Variants in IDUA observed in about 807,000 individuals in gnomAD.
IDUA encodes the protein iduronidase alpha-L-.
IDUA carries 65 observed loss-of-function variants against 68.9 expected under a neutral mutation model. The ratio of observed to expected loss-of-function variants is 0.94; its 90% CI spans 0.77 to 1.16. The LOEUF is 1.16. Among genes scored for constraint, IDUA ranks in the 50% most tolerant of loss-of-function variants. The pLI is 0.00. For missense variants in IDUA, 1,046 were observed against 938.0 expected, an observed-to-expected ratio of 1.12 and a Z score of -1.50; for synonymous variants, 529 against 433.6, an observed-to-expected ratio of 1.22 and a Z score of -2.73.
intron 2 of IDUA, chr4:991,274 C>T: frequency 6.2e-7 from 1 of 1,612,670 alleles, no homozygotes; most frequent in Non-Finnish European, 8.5e-7. Context: ...TCAAAGCCGG[C>T]CAGCTGGAGC....
chr4:992,274 C>G (rs1337071301), intron 2 of IDUA: 1 of 446,008 alleles, frequency 2.2e-6, no homozygotes, highest in East Asian at 7.1e-5. Flanking sequence ...CACACCAGAG[C>G]CCTCCCTCCC....
At chr4:1,003,682 C>T (rs1054906065) in intron 12 of IDUA, 57 bp downstream of exon 12, 87 of 1,587,136 alleles carry the variant, frequency 5.5e-5, no homozygotes, top group African/African-American at 8.1e-5. Context: ...CCCTGGGTCC[C>T]GACCCCTTCA....
At chr4:998,914 T>TC (rs1714904318) in intron 2 of IDUA, among the ~76,000 whole-genome samples, 1 of 151,106 alleles carries the variant, frequency 6.6e-6, no homozygotes, top group Non-Finnish European at 1.5e-5. Context: ...GTCTTCCAGC[T>TC]CCCACCCTGA....
rs1479765333 is a variant in IDUA at position 999,142 on chromosome 4, T to C, written c.300-1470T>C. The stretch of plus-strand genomic sequence containing the variant: ...ATGGTGTGAACCCGGGAGGGGGAGC[T>C]TGCAGTGAGCCGAGATCGCGCCACT... On this transcript the variant is annotated intron_variant, in intron 2 of 13. Transcript: ENST00000514224. Among the ~76,000 whole-genome samples, 11 of 151,438 alleles carry C rather than the reference T, an allele frequency of 7.3e-5. No individual in the cohort carries two copies. The East Asian group carries it at 9.7e-4, about 13-fold the overall frequency.
At chr4:996,188 T>C (rs1714734291) in intron 2 of IDUA, among the ~76,000 whole-genome samples, 1 of 152,180 alleles carries the variant, frequency 6.6e-6, no homozygotes, top group African/African-American at 2.4e-5. Context: ...GCTCAGCAGT[T>C]GGGAGCTGTG....
At chr4:995,849 G>A (rs73066468) in intron 2 of IDUA, among the ~76,000 whole-genome samples, 2,898 of 152,352 alleles carry the variant, frequency 0.019, 86 homozygotes, top group African/African-American at 0.065. Context: ...ATTTGGAGGT[G>A]AAATGGGAGT....
chr4:997,302 AG>A (rs1714795629), intron 2 of IDUA, among the ~76,000 whole-genome samples: 1 of 47,212 alleles, frequency 2.1e-5, no homozygotes, highest in African/African-American at 8.3e-5. Context: ...CCGCGCCCCC[AG>A]CCCAGCGGGC....
At chr4:1,003,795 C>T (rs1055287915) in intron 12 of IDUA, 170 bp downstream of exon 12, 12 of 825,966 alleles carry the variant, frequency 1.5e-5, no homozygotes, top group Non-Finnish European at 2.0e-5. Flanking sequence ...ACGCGCCAGG[C>T]CCTGCCAGTG....
chr4:1,001,004 G>A lies in IDUA; in HGVS notation c.493+15G>A, dbSNP rs771804775. ...GAGATACATCGGTGGGCGAGCGCAGGCCCTGGGGCCCTGGCCGGGGCGGGG... is the reference window on the plus strand; with the variant it reads ...GAGATACATCGGTGGGCGAGCGCAGACCCTGGGGCCCTGGCCGGGGCGGGG... On this transcript the variant is annotated intron_variant, in intron 4 of 13. Transcript: ENST00000514224. 6.4e-7 allele frequency: 1 copy of A among 1,571,894 alleles called. No homozygotes were observed. Among genetic ancestry groups the A allele is most frequent in the East Asian group, 2.2e-5 (1 of 44,686 alleles).
chr4:989,676 G>A lies in IDUA; in HGVS notation c.299+1727G>A, dbSNP rs575164465. The A allele has an allele frequency of 6.0e-5, 94 of 1,571,054 alleles. No homozygotes were observed. The East Asian group carries it at 8.2e-4, about 14-fold the overall frequency. On this transcript the variant is annotated intron_variant, in intron 2 of 13. Transcript: ENST00000514224. Reference sequence around the variant, plus strand: ...GCGCCAGCAGCACCAGCAGCACCACGGTGGCGCTGACCACGCTGGACAGCT... The same window carrying A: ...GCGCCAGCAGCACCAGCAGCACCACAGTGGCGCTGACCACGCTGGACAGCT...
At chr4:996,089 G>A (rs1031938447) in intron 2 of IDUA, among the ~76,000 whole-genome samples, 4 of 152,172 alleles carry the variant, frequency 2.6e-5, no homozygotes, top group Admixed American at 2.0e-4. Context: ...ATTTCTCCTC[G>A]AAGCCCCTGC....
intron 2 of IDUA, chr4:991,311 GA>G (rs746163833): frequency 6.2e-7 from 1 of 1,612,836 alleles, no homozygotes; most frequent in Non-Finnish European, 8.5e-7. Flanking sequence ...GCCCCACCAT[GA>G]GGCAAAGCAG....
At chr4:1,002,634 C>A in intron 8 of IDUA, 98 bp from the exon 9 acceptor site, 2 of 1,182,618 alleles carry the variant, frequency 1.7e-6, no homozygotes, top group Non-Finnish European at 2.3e-6. Flanking sequence ...GACTCCTTCA[C>A]CAAGGGGAGG....
intron 8 of IDUA, 66 bp from the exon 9 acceptor site, chr4:1,002,666 C>A: frequency 7.9e-7 from 1 of 1,262,310 alleles, no homozygotes; most frequent in East Asian, 2.9e-5. Context: ...GTGGGAGGCC[C>A]GGCCCTGGGT....
Position 1,002,884 on chromosome 4 carries a change from G to T in IDUA, c.1342G>T (p.Ala448Ser). 7.0e-7 allele frequency: 1 copy of T among 1,433,504 alleles called. No individual in the cohort carries two copies. Among genetic ancestry groups the T allele is most frequent in the Non-Finnish European group, 9.1e-7 (1 of 1,099,104 alleles). The allele number at this position is 1,433,504 out of a possible 1,614,324, so 88.8% of individuals were successfully genotyped here. ...VLIYASDDTR[A>S]HPNRSVAVTL... ...GATCTACGCGAGCGACGACACCCGC[G>T]CCCACCCCAACCGCAGCGTCGCGGT... Residue 448 changes from alanine (A) to serine (S), a missense_variant, in exon 9 of 14, where the codon GCC (alanine) becomes TCC (serine). Coordinates refer to ENST00000514224, the MANE Select transcript of IDUA (RefSeq NM_000203.5).
At chr4:995,404 A>C (rs1411071873) in intron 2 of IDUA, among the ~76,000 whole-genome samples, 1 of 151,286 alleles carries the variant, frequency 6.6e-6, no homozygotes, top group East Asian at 1.9e-4. Flanking sequence ...CGACTTTGAC[A>C]GTGAGTACTG....
intron 2 of IDUA, chr4:989,698 A>C: frequency 6.4e-7 from 1 of 1,561,530 alleles, no homozygotes; most frequent in South Asian, 1.2e-5. Flanking sequence ...CACGCTGGAC[A>C]GCTGTGTCCG....
intron 4 of IDUA, chr4:1,001,204 G>A (rs982496553): frequency 5.5e-5 from 34 of 618,208 alleles, no homozygotes; most frequent in Middle Eastern, 4.3e-4. Context: ...GTGGGTGGGC[G>A]AAGGCCCTGG....
At chr4:998,046 CTTCTG>C (rs1714848405) in intron 2 of IDUA, among the ~76,000 whole-genome samples, 1 of 152,224 alleles carries the variant, frequency 6.6e-6, no homozygotes, top group African/African-American at 2.4e-5. Context: ...TGGAATGCAC[CTTCTG>C]GGCATTTAAT....
Sources: allele counts gnomAD v4.1 joint callset (sites outside exome capture counted in the v4.1 genomes callset), GRCh38; gene constraint gnomAD v4.1.1; transcripts MANE v1.5; gene names NCBI Gene and HGNC (gene_info 2026-07-23, HGNC 2026-07-21).